Variants in MED12L observed in about 807,000 individuals in gnomAD.
MED12L encodes mediator of RNA polymerase II transcription subunit 12-like protein.
MED12L carries 60 observed loss-of-function variants against 281.3 expected under a neutral mutation model. The observed-to-expected ratio is 0.21, with a 90% CI of 0.17 to 0.26. The LOEUF is 0.26. Among genes scored for constraint, MED12L ranks in the 10% least tolerant of loss-of-function variants. The pLI, the probability that MED12L is intolerant of heterozygous loss-of-function variation, is 1.00. For synonymous variants in MED12L, 974 were observed against 987.2 expected (o/e 0.99, Z 0.25); for missense variants, 2,146 against 2,680.9 (o/e 0.80, Z 4.41).
chr3:151,327,873 G>C (rs1491980), intron 16 of MED12L: 611,170 of 716,294 alleles, frequency 0.85, 261,419 homozygotes, highest in Middle Eastern at 0.95. Flanking sequence ...TTCTGTACAC[G>C]AGGATAATAA....
chr3:151,347,279 A>G (rs977375468), intron 16 of MED12L, among the ~76,000 whole-genome samples: 2 of 152,176 alleles, frequency 1.3e-5, no homozygotes, highest in African/African-American at 2.4e-5. Flanking sequence ...CTTTAGCTAT[A>G]TATTTGTTCA....
chr3:151,086,803 C>CAGCGAGCGAGCG lies in MED12L; in HGVS notation c.-117_-106dup. Reference sequence around the variant, plus strand: ...TTTATTCCTCCTGCCTGCAGCGCCACAGCGAGCGAGCGAGCGAGGAGGGGG... The same window carrying CAGCGAGCGAGCG: ...TTTATTCCTCCTGCCTGCAGCGCCACAGCGAGCGAGCGAGCGAGCGAGCGAGCGAGGAGGGGG... On this transcript the variant is annotated 5_prime_UTR_variant, in exon 2 of 45. Transcript: ENST00000687756. 1 of 731,134 alleles carries CAGCGAGCGAGCG rather than the reference C, an allele frequency of 1.4e-6. No individual in the cohort carries two copies. Among genetic ancestry groups the CAGCGAGCGAGCG allele is most frequent in the Non-Finnish European group, 2.2e-6 (1 of 450,608 alleles). 45.3% of individuals were successfully genotyped at this position (731,134 alleles called of 1,614,324 possible).
intron 16 of MED12L, among the ~76,000 whole-genome samples, chr3:151,206,257 C>A (rs6776934): frequency 0.04 from 6,107 of 151,616 alleles, 406 homozygotes; most frequent in African/African-American, 0.14. Context: ...TATTTAAATT[C>A]TGCCTTGTTT....
intron 16 of MED12L, among the ~76,000 whole-genome samples, chr3:151,254,549 T>G (rs1370654597): frequency 6.6e-6 from 1 of 152,234 alleles, no homozygotes; most frequent in Non-Finnish European, 1.5e-5. Context: ...TATTTCAATA[T>G]TATAATTTGA....
chr3:151,171,869 T>G (rs1025179927), intron 11 of MED12L, among the ~76,000 whole-genome samples: 1 of 152,172 alleles, frequency 6.6e-6, no homozygotes, highest in Non-Finnish European at 1.5e-5. Flanking sequence ...AGCGTTTCCC[T>G]GGGGTCTATG....
At chr3:151,342,046 A>G (rs1412451296) in intron 16 of MED12L, among the ~76,000 whole-genome samples, 1 of 152,152 alleles carries the variant, frequency 6.6e-6, no homozygotes, top group Non-Finnish European at 1.5e-5. Flanking sequence ...ATACGTGTGC[A>G]TGTGTCTTTA....
Position 151,192,585 on chromosome 3 carries a change from A to G in MED12L, c.2004A>G (p.Ser668=). 6.5e-7 allele frequency: 1 copy of G among 1,536,230 alleles called. No individual in the cohort carries two copies. Among genetic ancestry groups the G allele is most frequent in the African/African-American group, 1.4e-5 (1 of 73,180 alleles). The stretch of plus-strand genomic sequence containing the variant: ...TTATGGCGCATATGGGCATTGACTC[A>G]GGAACCACTAACATTTTTGATGAAG... The part of the protein sequence containing the change: ...QSIMAHMGID[S]GTTNIFDEVD... The change falls in exon 15 of 45, where the codon TCA becomes TCG. Residue 668 remains serine (S), a synonymous_variant. Coordinates refer to ENST00000687756, the MANE Select transcript of MED12L (RefSeq NM_001393769.1).
chr3:151,209,599 C>T (rs755036629), intron 16 of MED12L, among the ~76,000 whole-genome samples: 2 of 152,040 alleles, frequency 1.3e-5, no homozygotes, highest in African/African-American at 2.4e-5. Context: ...GCTGCTTACC[C>T]GAAAGAAATC....
chr3:151,214,092 A>T, intron 16 of MED12L: 1 of 1,614,164 alleles, frequency 6.2e-7, no homozygotes, highest in South Asian at 1.1e-5. Context: ...GGATCTTGAA[A>T]GGAAAAGTCA....
intron 16 of MED12L, among the ~76,000 whole-genome samples, chr3:151,318,173 G>T (rs17204376): frequency 0.058 from 8,837 of 151,606 alleles, 354 homozygotes; most frequent in Non-Finnish European, 0.092. Context: ...GGTGGATTAA[G>T]TATGTTACGG....
At chr3:151,193,965 C>CTTT (rs34461662) in intron 16 of MED12L, among the ~76,000 whole-genome samples, 12 of 123,502 alleles carry the variant, frequency 9.7e-5, no homozygotes, top group Non-Finnish European at 1.5e-4. Flanking sequence ...TTTTTCTTTT[C>CTTT]TTTTTTTTTT....
chr3:151,117,740 T>G (rs1212748597), intron 3 of MED12L, among the ~76,000 whole-genome samples: 1 of 152,054 alleles, frequency 6.6e-6, no homozygotes, highest in Non-Finnish European at 1.5e-5. Context: ...ACTCAGAATG[T>G]TGTGCTCAAA....
chr3:151,097,169 C>G lies in MED12L; in HGVS notation c.99+10144C>G, dbSNP rs551858047. On this transcript the variant is annotated intron_variant, in intron 2 of 44. Coordinates refer to ENST00000687756, the MANE Select transcript of MED12L (RefSeq NM_001393769.1). The stretch of plus-strand genomic sequence containing the variant: ...TTCACTTCCTTGGTTGAGATACCCC[C>G]TTATTTATGGGCAGCTCTCTTGAGA... Among the ~76,000 whole-genome samples, 46 of 152,282 alleles carry G rather than the reference C, an allele frequency of 3.0e-4. 1 individual carries two copies. Among genetic ancestry groups the G allele is most frequent in the African/African-American group, 1.0e-3 (43 of 41,554 alleles).
intron 39 of MED12L, among the ~76,000 whole-genome samples, chr3:151,401,286 T>G (rs1175319388): frequency 6.6e-6 from 1 of 152,106 alleles, no homozygotes; most frequent in Non-Finnish European, 1.5e-5. Flanking sequence ...TGTTTGTTTT[T>G]TTTTTTAACT....
At chr3:151,292,971 G>T (rs1559990973) in intron 16 of MED12L, among the ~76,000 whole-genome samples, 1 of 152,088 alleles carries the variant, frequency 6.6e-6, no homozygotes, top group Non-Finnish European at 1.5e-5. Context: ...GACCAACTGA[G>T]GTATATATAA....
intron 16 of MED12L, chr3:151,294,896 G>A: frequency 6.2e-7 from 1 of 1,613,988 alleles, no homozygotes; most frequent in Non-Finnish European, 8.5e-7. Context: ...CAAAACTGAA[G>A]TGTATCTGCA....
At chr3:151,210,034 T>C (rs1726911914) in intron 16 of MED12L, among the ~76,000 whole-genome samples, 1 of 152,190 alleles carries the variant, frequency 6.6e-6, no homozygotes, top group South Asian at 2.1e-4. Context: ...GTGCCTTCCA[T>C]GGTGTCAATT....
intron 5 of MED12L, among the ~76,000 whole-genome samples, chr3:151,140,483 A>T (rs1188997556): frequency 6.6e-6 from 1 of 152,218 alleles, no homozygotes; most frequent in East Asian, 1.9e-4. Context: ...ATCAAGTTTA[A>T]TATGCTGCAC....
rs868757261 is a variant in MED12L, at chr3:151,107,814, C to A, written c.100-8524C>A. Among the ~76,000 whole-genome samples the A allele has an allele frequency of 3.3e-5, 5 of 152,246 alleles. No individual in the cohort carries two copies. In the Middle Eastern group the frequency reaches 0.014, roughly 414 times the overall value. ...TATTCCTGTCTCCTTTCAAACAAAG[C>A]CACCAAGATACAGAGATCAGTTATC... On this transcript the variant is annotated intron_variant, in intron 2 of 44. Transcript: ENST00000687756.
Sources: allele counts gnomAD v4.1 joint callset (sites outside exome capture counted in the v4.1 genomes callset), GRCh38; gene constraint gnomAD v4.1.1; transcripts MANE v1.5; gene names NCBI Gene and HGNC (gene_info 2026-07-23, HGNC 2026-07-21).